Variants in CEMIP2 observed in about 807,000 individuals in gnomAD.
The protein encoded by CEMIP2 is cell migration inducing hyaluronidase 2.
A neutral mutation model predicts 146.9 loss-of-function variants in CEMIP2; 79 were observed. That is an observed-to-expected ratio of 0.54 (90% confidence interval 0.45 to 0.65). CEMIP2 has a LOEUF of 0.65. CEMIP2 is among the 30% of genes least tolerant of loss of function. The pLI, the probability that CEMIP2 is intolerant of heterozygous loss-of-function variation, is 0.00. For synonymous variants in CEMIP2, 601 were observed against 606.3 expected (o/e 0.99, Z 0.13); for missense variants, 1,596 against 1,696.2 (o/e 0.94, Z 1.04).
chr9:71,741,005 A>C (rs1188046830), intron 4 of CEMIP2, among the ~76,000 whole-genome samples: 1 of 152,076 alleles, frequency 6.6e-6, no homozygotes, highest in Non-Finnish European at 1.5e-5. Flanking sequence ...AGGGCACCAT[A>C]CTTTGAAAAC....
At position 71,744,678 on chromosome 9, in the gene CEMIP2, T is replaced by G. The variant is rs138972707; in HGVS notation, c.1034+340A>C. The stretch of plus-strand genomic sequence containing the variant: ...GTTGCCTCAATTAGCCTGAGTTTCA[T>G]ATGATCTTCAGAAGGTAACGAAAGG... On this transcript the variant is annotated intron_variant, in intron 4 of 23. Coordinates refer to ENST00000377044, the MANE Select transcript of CEMIP2 (RefSeq NM_013390.3). Among the ~76,000 whole-genome samples the G allele has an allele frequency of 2.9e-3, 437 of 152,334 alleles. 4 individuals carry two copies. Among genetic ancestry groups the G allele is most frequent in the African/African-American group, 0.01 (426 of 41,590 alleles).
chr9:71,701,743 T>C (rs1822567953), intron 18 of CEMIP2, among the ~76,000 whole-genome samples: 1 of 152,186 alleles, frequency 6.6e-6, no homozygotes, highest in Non-Finnish European at 1.5e-5. Context: ...TTAATCCTTT[T>C]TAAAAATTAA....
At chr9:71,685,600 T>C in intron 23 of CEMIP2, 143 bp downstream of exon 23, 1 of 855,658 alleles carries the variant, frequency 1.2e-6, no homozygotes, top group Non-Finnish European at 1.8e-6. Context: ...TCCTCTCACA[T>C]TGTGCCCTTA....
intron 12 of CEMIP2, 147 bp from the exon 13 acceptor site, chr9:71,718,226 C>T (rs1823126319): frequency 6.8e-6 from 5 of 737,572 alleles, no homozygotes; most frequent in East Asian, 3.1e-5. Flanking sequence ...ACATTTTAAA[C>T]ATTCAAAGAA....
At chr9:71,737,254 A>G (rs1589155398) in intron 5 of CEMIP2, among the ~76,000 whole-genome samples, 1 of 151,632 alleles carries the variant, frequency 6.6e-6, no homozygotes, top group African/African-American at 2.4e-5. Flanking sequence ...GCAGTTCAAG[A>G]CCAGCCTGGC....
chr9:71,734,309 T>C (rs1823703721), intron 6 of CEMIP2, among the ~76,000 whole-genome samples: 1 of 152,098 alleles, frequency 6.6e-6, no homozygotes, highest in Admixed American at 6.6e-5. Flanking sequence ...AATTCATCAT[T>C]GGGTTTACTA....
In CEMIP2 at chr9:71,727,097, G is replaced by A. The variant is rs113777892; in HGVS notation, c.2050-1388C>T. Among the ~76,000 whole-genome samples, 628 of 152,304 alleles carry A rather than the reference G, an allele frequency of 4.1e-3. 7 individuals are homozygous for A. Among genetic ancestry groups the A allele is most frequent in the African/African-American group, 0.014 (584 of 41,570 alleles). ...CTTTTACCGGAACAGTTTTTCTAGA[G>A]AGAAAATAAACAGCTCACAGAATAA... On this transcript the variant is annotated intron_variant, in intron 10 of 23. Coordinates refer to ENST00000377044, the MANE Select transcript of CEMIP2 (RefSeq NM_013390.3).
chr9:71,700,031 G>A (rs191067711), intron 19 of CEMIP2, among the ~76,000 whole-genome samples: 106 of 152,290 alleles, frequency 7.0e-4, no homozygotes, highest in Middle Eastern at 6.8e-3. Context: ...GAATGTCTGC[G>A]TGAGGAGAAA....
chr9:71,763,452 G>A (rs1157341938), intron 1 of CEMIP2, among the ~76,000 whole-genome samples: 1 of 152,082 alleles, frequency 6.6e-6, no homozygotes, highest in Non-Finnish European at 1.5e-5. Context: ...GGCTCAATGT[G>A]GATTGTCTTA....
intron 1 of CEMIP2, among the ~76,000 whole-genome samples, chr9:71,766,044 G>T (rs1255939040): frequency 6.6e-6 from 1 of 151,596 alleles, no homozygotes. Flanking sequence ...CATGAATTTG[G>T]TAGTGATTAT....
At chr9:71,743,775 G>T (rs918765864) in intron 4 of CEMIP2, among the ~76,000 whole-genome samples, 1 of 152,096 alleles carries the variant, frequency 6.6e-6, no homozygotes, top group Non-Finnish European at 1.5e-5. Flanking sequence ...TCCCCTACAT[G>T]AATAAAAGCC....
intron 16 of CEMIP2, among the ~76,000 whole-genome samples, chr9:71,711,700 C>T (rs997225416): frequency 4.6e-5 from 7 of 152,272 alleles, no homozygotes; most frequent in African/African-American, 1.7e-4. Flanking sequence ...AGAAGAATAG[C>T]CCTCAGACAA....
chr9:71,744,843 T>C (rs1824027380), intron 4 of CEMIP2, among the ~76,000 whole-genome samples, 175 bp downstream of exon 4: 1 of 152,172 alleles, frequency 6.6e-6, no homozygotes, highest in South Asian at 2.1e-4. Flanking sequence ...AAATAGCTTT[T>C]GTATGTGGTG....
At chr9:71,746,485 G>C in intron 2 of CEMIP2, 144 bp from the exon 3 acceptor site, 1 of 898,878 alleles carries the variant, frequency 1.1e-6, no homozygotes, top group Non-Finnish European at 1.6e-6. Context: ...GAAATCCCAC[G>C]CCTTCCCACC....
At chr9:71,755,988 A>AAC (rs1824428621) in intron 1 of CEMIP2, among the ~76,000 whole-genome samples, 1 of 145,768 alleles carries the variant, frequency 6.9e-6, no homozygotes, top group African/African-American at 2.5e-5. Context: ...AAAAAAAAAA[A>AAC]AACCTCTTAC....
At chr9:71,747,746 A>G (rs1564023640) in intron 2 of CEMIP2, among the ~76,000 whole-genome samples, 1 of 152,196 alleles carries the variant, frequency 6.6e-6, no homozygotes, top group Non-Finnish European at 1.5e-5. Flanking sequence ...TTGAACTTGC[A>G]TAACACTAAT....
Position 71,734,835 on chromosome 9 carries a change from T to C in CEMIP2, c.1364A>G (p.Glu455Gly), listed in dbSNP as rs1823716715. Residue 455 changes from glutamate to glycine, a missense_variant, in exon 6 of 24, where the codon GAA becomes GGA. By Grantham distance (98) the Glu-to-Gly change is moderately conservative. Transcript: ENST00000377044. ...AEEFTLLPCS[E>G]CSHFQVKVKE... ...GACTTTGACCTGAAAATGGCTGCAT[T>C]CAGAACAGGGAAGAAGAGTGAACTC... is the stretch of plus-strand genomic sequence containing the variant. 6.2e-7 allele frequency: 1 copy of C among 1,611,904 alleles called. No homozygotes were observed. Among genetic ancestry groups the C allele is most frequent in the Non-Finnish European group, 8.5e-7 (1 of 1,178,996 alleles).
In CEMIP2 at chr9:71,730,744, G is replaced by A. The variant is rs1308802653; in HGVS notation, c.1734C>T (p.Phe578=). 5 of 1,614,236 alleles carry A rather than the reference G, an allele frequency of 3.1e-6. No homozygotes were observed. Among genetic ancestry groups the A allele is most frequent in the South Asian group, 1.1e-5 (1 of 91,086 alleles). ...FVDGLSIHHS[F]SRCITVHGTN... ...TCCCATGCACAGTGATGCACCTTGAGAAGCTGTGATGAATAGACAGGCCGT... is the reference window on the plus strand; with the variant it reads ...TCCCATGCACAGTGATGCACCTTGAAAAGCTGTGATGAATAGACAGGCCGT... The change falls in exon 8 of 24, where the codon TTC becomes TTT. Residue 578 remains phenylalanine (F), a synonymous_variant. Coordinates refer to ENST00000377044, the MANE Select transcript of CEMIP2 (RefSeq NM_013390.3).
chr9:71,694,073 G>C (rs2131861931), intron 21 of CEMIP2, among the ~76,000 whole-genome samples: 1 of 151,994 alleles, frequency 6.6e-6, no homozygotes, highest in Middle Eastern at 3.4e-3. Context: ...CTCCAGAACT[G>C]TGAGAAATAA....
Sources: allele counts gnomAD v4.1 joint callset (sites outside exome capture counted in the v4.1 genomes callset), GRCh38; gene constraint gnomAD v4.1.1; transcripts MANE v1.5; gene names NCBI Gene and HGNC (gene_info 2026-07-23, HGNC 2026-07-21).